The following CFAP61 variants were observed in gnomAD, a reference collection of about 807,000 sequenced individuals.
CFAP61 encodes the protein cilia and flagella associated protein 61, also known as cilia- and flagella-associated protein 61.
CFAP61 carries 107 observed loss-of-function variants against 135.6 expected under a neutral mutation model. The observed-to-expected ratio is 0.79, with a 90% CI of 0.67 to 0.93. CFAP61 has a LOEUF of 0.93. Among genes scored for constraint, CFAP61 ranks in the 40% least tolerant of loss-of-function variants. The pLI, the probability that CFAP61 is intolerant of heterozygous loss-of-function variation, is 0.00. For synonymous variants in CFAP61, 575 were observed against 578.5 expected (o/e 0.99, Z 0.09); for missense variants, 1,507 against 1,556.2 (o/e 0.97, Z 0.53).
chr20:20,100,176 CTTT>C (rs74180979), intron 8 of CFAP61, among the ~76,000 whole-genome samples: 24 of 142,958 alleles, frequency 1.7e-4, no homozygotes, highest in Non-Finnish European at 3.2e-4. Context: ...ACTAAATGGC[CTTT>C]TTTTTTTTTT....
At chr20:20,231,864 G>A (rs959231726) in intron 18 of CFAP61, among the ~76,000 whole-genome samples, 2 of 152,186 alleles carry the variant, frequency 1.3e-5, no homozygotes, top group Non-Finnish European at 2.9e-5. Flanking sequence ...TCTTCATAAT[G>A]CCCAAGACAT....
chr20:20,209,011 T>C (rs964120351), intron 17 of CFAP61, among the ~76,000 whole-genome samples: 1 of 152,226 alleles, frequency 6.6e-6, no homozygotes, highest in African/African-American at 2.4e-5. Flanking sequence ...CCCTTCTGCA[T>C]GTACTCATCT....
intron 22 of CFAP61, among the ~76,000 whole-genome samples, chr20:20,286,057 C>A (rs1250668663): frequency 6.7e-6 from 1 of 149,664 alleles, no homozygotes; most frequent in Admixed American, 6.6e-5. Context: ...GGAAATTATC[C>A]CCATCCTGGT....
chr20:20,267,375 AGGG>A (rs1249616028), intron 21 of CFAP61: 3 of 152,636 alleles, frequency 2.0e-5, no homozygotes, highest in Admixed American at 6.5e-5. Context: ...GTTACCTTTT[AGGG>A]ATGGGAGCTG....
chr20:20,170,751 G>A (rs1161728963), intron 13 of CFAP61, among the ~76,000 whole-genome samples: 1 of 152,120 alleles, frequency 6.6e-6, no homozygotes, highest in African/African-American at 2.4e-5. Flanking sequence ...ATGAATTTTA[G>A]CAAATGAATT....
chr20:20,198,012 CGAAAACCTTTTGGAGAAGTCCA>C (rs954424802), intron 16 of CFAP61, among the ~76,000 whole-genome samples: 18 of 152,290 alleles, frequency 1.2e-4, no homozygotes, highest in East Asian at 3.9e-4. Flanking sequence ...TTTTATTTAA[CGAAAACCTTTTGGAGAAGTCCA>C]GAAAACCTTT....
chr20:20,321,480 A>G (rs2057508639), intron 25 of CFAP61, among the ~76,000 whole-genome samples: 1 of 152,238 alleles, frequency 6.6e-6, no homozygotes, highest in Non-Finnish European at 1.5e-5. Context: ...AACCAAAGCT[A>G]TAGATTTAAG....
chr20:20,174,662 A>G (rs1409246969), intron 13 of CFAP61, among the ~76,000 whole-genome samples: 1 of 152,160 alleles, frequency 6.6e-6, no homozygotes, highest in Non-Finnish European at 1.5e-5. Context: ...TCGTGGCTGC[A>G]GGAGTGGAGG....
At chr20:20,319,462 C>T (rs566890280) in intron 25 of CFAP61, among the ~76,000 whole-genome samples, 22 of 152,114 alleles carry the variant, frequency 1.4e-4, no homozygotes, top group Admixed American at 2.6e-4. Flanking sequence ...TTCATGGGGG[C>T]GGATTTTCCC....
At chr20:20,298,472 C>G (rs964110764) in intron 25 of CFAP61, 86 bp downstream of exon 25, 3 of 1,164,556 alleles carry the variant, frequency 2.6e-6, no homozygotes, top group East Asian at 2.5e-5. Context: ...GTGATGCACC[C>G]GAGAGCAAAA....
At chr20:20,067,776 T>TATTATTATATA (rs1568820899) in intron 2 of CFAP61, among the ~76,000 whole-genome samples, 1 of 65,942 alleles carries the variant, frequency 1.5e-5, no homozygotes, top group Non-Finnish European at 5.0e-5. Context: ...TATGTATTTA[T>TATTATTATATA]TATATATATA....
At chr20:20,143,311 C>T (rs754785721) in intron 9 of CFAP61, among the ~76,000 whole-genome samples, 26 of 152,148 alleles carry the variant, frequency 1.7e-4, no homozygotes, top group Non-Finnish European at 3.8e-4. Context: ...TCCAATGGGA[C>T]AGCATTTTCC....
At chr20:20,165,760 T>A (rs1251560900) in intron 11 of CFAP61, among the ~76,000 whole-genome samples, 1 of 152,184 alleles carries the variant, frequency 6.6e-6, no homozygotes, top group Non-Finnish European at 1.5e-5. Flanking sequence ...ATGTTCCCAG[T>A]CTCCCAGCAT....
rs1601279488 is a variant in CFAP61 at position 20,187,928 on chromosome 20, AG to A, written c.1386del. On this transcript the variant is annotated splice_acceptor_variant, in intron 13 of 26. Coordinates refer to ENST00000245957, the MANE Select transcript of CFAP61 (RefSeq NM_015585.4). LOFTEE classifies it high-confidence loss of function. ...TAAAAATATATTCCTCTCCTTACCC[AG>A]GTCCATTAATATAAGATTTGCCACT... 2.5e-6 allele frequency: 4 copies of A among 1,611,788 alleles called. No homozygotes were observed. The highest frequency in any genetic ancestry group is 3.4e-6 in the Non-Finnish European group (4 of 1,177,854).
intron 17 of CFAP61, chr20:20,225,210 G>A (rs927241953): frequency 1.3e-5 from 2 of 152,194 alleles, no homozygotes; most frequent in African/African-American, 2.4e-5. Flanking sequence ...ACTGAAGGAT[G>A]TTTCCAGGCT....
At chr20:20,200,518 G>A (rs2056560732) in intron 17 of CFAP61, among the ~76,000 whole-genome samples, 1 of 152,142 alleles carries the variant, frequency 6.6e-6, no homozygotes, top group Admixed American at 6.5e-5. Flanking sequence ...TTTATAAATG[G>A]AAATGTACCT....
intron 6 of CFAP61, among the ~76,000 whole-genome samples, chr20:20,077,888 C>G (rs1043760692): frequency 6.6e-6 from 1 of 152,142 alleles, no homozygotes; most frequent in Admixed American, 6.6e-5. Context: ...GATTGTAAAT[C>G]TTTTTTATCA....
intron 22 of CFAP61, among the ~76,000 whole-genome samples, chr20:20,287,821 C>G (rs1031903265): frequency 1.1e-4 from 16 of 152,244 alleles, no homozygotes; most frequent in African/African-American, 3.9e-4. Flanking sequence ...AACTAACTTG[C>G]ACTGCTTCAG....
Position 20,288,845 on chromosome 20 carries a change from A to G in CFAP61, c.3033A>G (p.Leu1011=). Residue 1011 remains leucine (L), a synonymous_variant, in exon 23 of 27, where the codon CTA becomes CTG. Coordinates refer to ENST00000245957, the MANE Select transcript of CFAP61 (RefSeq NM_015585.4). The part of the protein sequence containing the change: ...EIGFQLAAAM[L]HLFDPTLEPV... ...GCTTTCAGCTGGCAGCAGCTATGCT[A>G]CATCTCTTTGATCCAACCCTTGAGC... 2 of 1,614,218 alleles carry G rather than the reference A, an allele frequency of 1.2e-6. No individual in the cohort carries two copies. Among genetic ancestry groups the G allele is most frequent in the Non-Finnish European group, 1.7e-6 (2 of 1,180,030 alleles).
Sources: allele counts gnomAD v4.1 joint callset (sites outside exome capture counted in the v4.1 genomes callset), GRCh38; gene constraint gnomAD v4.1.1; transcripts MANE v1.5; gene names NCBI Gene and HGNC (gene_info 2026-07-23, HGNC 2026-07-21).